Variants in CDC73 observed in about 807,000 individuals in gnomAD.
CDC73 encodes the protein parafibromin.
Under a neutral mutation model 83.7 loss-of-function variants are expected in CDC73, and 21 were observed. That is an observed-to-expected ratio of 0.25 (90% CI 0.18 to 0.36). The LOEUF (loss-of-function observed/expected upper bound fraction) is 0.36, where lower values mean the gene tolerates loss of function less well. Ranked by LOEUF, CDC73 falls within the 10% of genes least tolerant of loss-of-function variation. The pLI, the probability that CDC73 is intolerant of heterozygous loss-of-function variation, is 1.00. For missense variants in CDC73, 342 were observed against 653.3 expected (o/e 0.52, Z 5.19); for synonymous variants, 224 against 212.9 (o/e 1.05, Z -0.45).
intron 13 of CDC73, among the ~76,000 whole-genome samples, chr1:193,219,391 A>G (rs1036562716): frequency 6.6e-6 from 1 of 152,188 alleles, no homozygotes; most frequent in Non-Finnish European, 1.5e-5. Context: ...TGATTACTGG[A>G]TATATACCTA....
intron 9 of CDC73, among the ~76,000 whole-genome samples, chr1:193,151,449 T>A (rs538692343): frequency 1.2e-4 from 18 of 152,190 alleles, no homozygotes; most frequent in Non-Finnish European, 1.5e-4. Context: ...TGGGCCAAAT[T>A]GGGTTGCCCC....
At chr1:193,148,049 A>G in intron 8 of CDC73, 84 bp downstream of exon 8, 4 of 908,070 alleles carry the variant, frequency 4.4e-6, no homozygotes, top group South Asian at 2.7e-5. Context: ...ACATCTTCAC[A>G]TTTTAAAATC....
rs185423604 is a variant in CDC73 at position 193,201,761 on chromosome 1, A to G, written c.973-2034A>G. 7.9e-5 allele frequency among the ~76,000 whole-genome samples: 12 copies of G among 152,274 alleles called. No homozygotes were observed. In the East Asian group the frequency reaches 1.9e-3, roughly 24 times the overall value. On this transcript the variant is annotated intron_variant, in intron 10 of 16. Transcript: ENST00000367435. ...AGGTTTTTTTTTCCATATTATTTAC[A>G]TATGCTTATACCTTTTGCCTGACCC... is the stretch of plus-strand genomic sequence containing the variant.
intron 15 of CDC73, among the ~76,000 whole-genome samples, chr1:193,237,989 T>C (rs942138138): frequency 6.6e-6 from 1 of 152,198 alleles, no homozygotes; most frequent in African/African-American, 2.4e-5. Context: ...TCAACGAGAA[T>C]TCTTTTTTAC....
At chr1:193,163,817 C>A (rs111358516) in intron 10 of CDC73, among the ~76,000 whole-genome samples, 29,239 of 152,028 alleles carry the variant, frequency 0.19, 2,912 homozygotes, top group Middle Eastern at 0.24. Context: ...TCACTCTTGT[C>A]ACCCAGGCTG....
chr1:193,198,512 C>T (rs1006749084), intron 10 of CDC73, among the ~76,000 whole-genome samples: 1 of 152,212 alleles, frequency 6.6e-6, no homozygotes, highest in African/African-American at 2.4e-5. Context: ...ACAAAACCTG[C>T]AGGTGCCTTG....
At chr1:193,125,579 CTTT>C (rs755990596) in intron 2 of CDC73, among the ~76,000 whole-genome samples, 1 of 142,938 alleles carries the variant, frequency 7.0e-6, no homozygotes. Flanking sequence ...CATTTTAAAA[CTTT>C]TTTTTTTTTT....
chr1:193,222,211 C>G (rs1677483941), intron 13 of CDC73, among the ~76,000 whole-genome samples: 1 of 152,022 alleles, frequency 6.6e-6, no homozygotes, highest in Admixed American at 6.6e-5. Flanking sequence ...TGATTTTGGC[C>G]ATGTTGGCAG....
intron 5 of CDC73, 44 bp downstream of exon 5, chr1:193,135,633 G>C: frequency 1.4e-6 from 2 of 1,440,254 alleles, no homozygotes; most frequent in South Asian, 2.4e-5. Context: ...TATTGTTATT[G>C]AAATTGGGAT....
At chr1:193,196,896 A>G (rs1023557228) in intron 10 of CDC73, among the ~76,000 whole-genome samples, 1 of 152,086 alleles carries the variant, frequency 6.6e-6, no homozygotes, top group African/African-American at 2.4e-5. Flanking sequence ...CTGCAAACAT[A>G]TTTTACCTCT....
At chr1:193,183,785 C>A (rs1391641178) in intron 10 of CDC73, among the ~76,000 whole-genome samples, 1 of 151,760 alleles carries the variant, frequency 6.6e-6, no homozygotes, top group Non-Finnish European at 1.5e-5. Context: ...CTAAGTGTTA[C>A]AAAGATAAGT....
Position 193,212,259 on chromosome 1 carries a change from A to G in CDC73, c.1067-131A>G, listed in dbSNP as rs937352450. ...CACACTGATTATTAAATATTTTTTA[A>G]TATCCACTGGCTTAAAATATTTTTT... On this transcript the variant is annotated intron_variant, in intron 12 of 16. Transcript: ENST00000367435. 1.5e-5 allele frequency: 13 copies of G among 845,444 alleles called. No homozygotes were observed. The East Asian group carries it at 3.5e-4, about 23-fold the overall frequency. 52.4% of individuals were successfully genotyped at this position (845,444 alleles called of 1,614,324 possible). A position where few individuals can be genotyped will look rare whatever the true frequency, so the allele number is the denominator to read the frequency against.
chr1:193,139,795 T>C (rs1365210523), intron 6 of CDC73, among the ~76,000 whole-genome samples: 2 of 152,240 alleles, frequency 1.3e-5, no homozygotes, highest in African/African-American at 2.4e-5. Context: ...AGGGTAATTA[T>C]TCCCCACCCA....
Position 193,122,275 on chromosome 1 carries a change from G to T in CDC73, c.75G>T (p.Val25=), listed in dbSNP as rs756346208. The T allele has an allele frequency of 1.9e-6, 3 of 1,613,976 alleles. No homozygotes were observed. Among genetic ancestry groups the T allele is most frequent in the Non-Finnish European group, 2.5e-6 (3 of 1,179,920 alleles). ...KKEIVVKGDE[V]IFGEFSWPKN... is the part of the protein sequence containing the mutation. ...AGATTGTGGTGAAGGGAGACGAAGT[G>T]ATCTTCGGGGAGTTCTCCTGGCCCA... The change falls in exon 1 of 17, where the codon GTG becomes GTT. Residue 25 remains valine, a synonymous_variant. Transcript: ENST00000367435.
intron 10 of CDC73, among the ~76,000 whole-genome samples, chr1:193,157,863 T>G (rs1024457911): frequency 1.3e-4 from 20 of 152,112 alleles, no homozygotes; most frequent in African/African-American, 4.8e-4. Context: ...GAGGAGGTTA[T>G]TTAACCTTTC....
intron 13 of CDC73, among the ~76,000 whole-genome samples, chr1:193,216,044 G>GA (rs1421155310): frequency 6.6e-6 from 1 of 152,164 alleles, no homozygotes; most frequent in Non-Finnish European, 1.5e-5. Context: ...ACACCTGTAA[G>GA]AACTAGAAGA....
At chr1:193,127,264 A>G (rs1432677373) in intron 2 of CDC73, among the ~76,000 whole-genome samples, 2 of 144,820 alleles carry the variant, frequency 1.4e-5, no homozygotes, top group East Asian at 4.0e-4. Context: ...TAGAGCAAAG[A>G]CTCTGTCTCA....
At chr1:193,163,760 A>G (rs1157838523) in intron 10 of CDC73, among the ~76,000 whole-genome samples, 2 of 152,090 alleles carry the variant, frequency 1.3e-5, no homozygotes, top group Non-Finnish European at 2.9e-5. Context: ...ACATCAGTGT[A>G]AAAAGGCTAT....
intron 10 of CDC73, among the ~76,000 whole-genome samples, chr1:193,200,669 G>GT (rs1677077265): frequency 6.6e-6 from 1 of 152,058 alleles, no homozygotes; most frequent in Admixed American, 6.5e-5. Context: ...GCTGGGTAGT[G>GT]TTTTTTCTTC....
Sources: allele counts gnomAD v4.1 joint callset (sites outside exome capture counted in the v4.1 genomes callset), GRCh38; gene constraint gnomAD v4.1.1; transcripts MANE v1.5; gene names NCBI Gene and HGNC (gene_info 2026-07-23, HGNC 2026-07-21).